The following EFCAB5 variants were observed in gnomAD, a reference collection of about 807,000 sequenced individuals.
EFCAB5 encodes the protein EF-hand calcium binding domain 5.
A neutral mutation model predicts 167.9 loss-of-function variants in EFCAB5; 131 were observed. The ratio of observed to expected loss-of-function variants is 0.78; its 90% confidence interval spans 0.68 to 0.90. The LOEUF is 0.90. Ranked by LOEUF, EFCAB5 falls within the 40% of genes least tolerant of loss-of-function variation. The probability of loss-of-function intolerance (pLI) is 0.00; values close to 1 mark genes in which losing one functional copy is unlikely to be tolerated. For missense variants in EFCAB5, 1,663 were observed against 1,745.2 expected (o/e 0.95, Z 0.84); for synonymous variants, 574 against 602.8 (o/e 0.95, Z 0.70).
chr17:30,074,046 A>G (rs2070813969), intron 14 of EFCAB5: 1 of 158,504 alleles, frequency 6.3e-6, no homozygotes, highest in African/African-American at 2.4e-5. Flanking sequence ...AAATGAAATT[A>G]TACAGTATGC....
intron 7 of EFCAB5, among the ~76,000 whole-genome samples, chr17:30,029,561 CTT>C (rs35394158): frequency 1.4e-5 from 2 of 140,704 alleles, no homozygotes; most frequent in African/African-American, 2.6e-5. Context: ...TAGCACTAAT[CTT>C]TTTTTTTTTT....
At chr17:29,996,044 C>T (rs2068536042) in intron 5 of EFCAB5, among the ~76,000 whole-genome samples, 1 of 152,112 alleles carries the variant, frequency 6.6e-6, no homozygotes, top group Non-Finnish European at 1.5e-5. Flanking sequence ...CTTGTTCAGA[C>T]ATAACAAGTT....
intron 5 of EFCAB5, 30 bp downstream of exon 5, chr17:29,993,351 T>C (rs1450629618): frequency 1.3e-6 from 2 of 1,595,056 alleles, no homozygotes; most frequent in Non-Finnish European, 8.6e-7. Context: ...ATGTGAAAGG[T>C]AGGTGGGGTA....
In EFCAB5 at chr17:29,971,073, C is replaced by CAA. The variant is rs57637961; in HGVS notation, c.767+1718_767+1719dup. Among the ~76,000 whole-genome samples, 1,152 of 139,484 alleles carry CAA rather than the reference C, an allele frequency of 8.3e-3. 16 individuals are homozygous for CAA. Among genetic ancestry groups the CAA allele is most frequent in the African/African-American group, 0.024 (907 of 37,368 alleles). The allele number at this position is 139,484 out of a possible 152,430, so 91.5% of individuals were successfully genotyped here. On this transcript the variant is annotated intron_variant, in intron 4 of 22. Transcript: ENST00000394835. ...TGGGCAACAGAGTGAGACCCCATCT[C>CAA]AAAAAAAAAAAAAGATTTTAATGTA... is the stretch of plus-strand genomic sequence containing the variant.
At chr17:30,073,026 G>T (rs1310689333) in intron 14 of EFCAB5, 2 of 561,242 alleles carry the variant, frequency 3.6e-6, no homozygotes, top group Non-Finnish European at 6.4e-6. Context: ...CTGCACTCTG[G>T]CTCCTGTGTC....
At chr17:29,940,080 C>CT (rs35491131), upstream of EFCAB5, among the ~76,000 whole-genome samples, 819 of 143,936 alleles carry the variant, frequency 5.7e-3, 6 homozygotes, top group East Asian at 0.012. Context: ...ACTGGGAACT[C>CT]TTTTTTTTTT....
At position 29,941,731 on chromosome 17, in the gene EFCAB5, T is replaced by G. The variant is rs2067300182; in HGVS notation, c.-66T>G. ...TGATGTTTATTAATATTTTCTTTCTTTTTGTTATTAATACTGGTCTAGTAA... is the reference window on the plus strand; with the variant it reads ...TGATGTTTATTAATATTTTCTTTCTGTTTGTTATTAATACTGGTCTAGTAA... On this transcript the variant is annotated 5_prime_UTR_variant, in exon 1 of 23. Transcript: ENST00000394835. The G allele has an allele frequency of 7.8e-6, 11 of 1,404,046 alleles. No homozygotes were observed. Among genetic ancestry groups the G allele is most frequent in the South Asian group, 1.3e-5 (1 of 76,706 alleles). 87.0% of individuals were successfully genotyped at this position (1,404,046 alleles called of 1,614,324 possible).
At chr17:29,958,392 ATTC>A (rs1216050446) in intron 3 of EFCAB5, among the ~76,000 whole-genome samples, 4 of 152,042 alleles carry the variant, frequency 2.6e-5, no homozygotes, top group Admixed American at 2.0e-4. Context: ...AAGCTCACTA[ATTC>A]TTCTGCTTGA....
intron 8 of EFCAB5, among the ~76,000 whole-genome samples, chr17:30,047,066 C>T (rs564872269): frequency 4.9e-4 from 74 of 152,292 alleles, no homozygotes; most frequent in African/African-American, 1.5e-3. Flanking sequence ...ATCAGTATTG[C>T]TATACTTTGC....
At position 30,080,809 on chromosome 17, in the gene EFCAB5, G is replaced by A; in HGVS notation, c.3254G>A (p.Gly1085Glu). Residue 1085 changes from glycine to glutamate, a missense_variant, in exon 17 of 23, where the codon GGG becomes GAG. Physicochemically the swap from Gly to Glu is moderately conservative, Grantham distance 98. Coordinates refer to ENST00000394835, the MANE Select transcript of EFCAB5 (RefSeq NM_198529.4). ...PIHVPQVQYH[G>E]NIFFWNQSRN... ...CATGTTCCCCAAGTTCAGTACCATG[G>A]GAACATCTTCTTCTGGAACCAGTCC... 6.2e-7 allele frequency: 1 copy of A among 1,613,058 alleles called. No homozygotes were observed. The highest frequency in any genetic ancestry group is 8.5e-7 in the Non-Finnish European group (1 of 1,179,558).
intron 7 of EFCAB5, among the ~76,000 whole-genome samples, chr17:30,025,363 T>A (rs2069289703): frequency 6.6e-6 from 1 of 152,124 alleles, no homozygotes; most frequent in Admixed American, 6.6e-5. Context: ...GCAAAGGGTA[T>A]GAACAGACAC....
intron 4 of EFCAB5, among the ~76,000 whole-genome samples, chr17:29,974,156 TAAA>T (rs556600386): frequency 1.7e-5 from 2 of 118,652 alleles, no homozygotes; most frequent in Admixed American, 8.7e-5. Context: ...AAACTCTATC[TAAA>T]AAAAAAAAAA....
chr17:29,984,661 T>C (rs1164813691), intron 4 of EFCAB5, among the ~76,000 whole-genome samples: 1 of 152,104 alleles, frequency 6.6e-6, no homozygotes. Flanking sequence ...GAGGTTGCAG[T>C]GAGCCAAGAT....
intron 7 of EFCAB5, among the ~76,000 whole-genome samples, chr17:30,025,424 A>G (rs531791605): frequency 6.6e-6 from 1 of 151,136 alleles, no homozygotes; most frequent in Non-Finnish European, 1.5e-5. Flanking sequence ...AAAAATGCTC[A>G]TCATCACTGG....
intron 1 of EFCAB5, chr17:29,930,279 G>T: frequency 2.0e-6 from 1 of 489,984 alleles, no homozygotes; most frequent in East Asian, 3.6e-5. Context: ...CTCTCCCCTC[G>T]GCGCGCGCCG....
intron 7 of EFCAB5, among the ~76,000 whole-genome samples, chr17:30,020,490 G>A (rs1308859640): frequency 1.3e-5 from 2 of 150,884 alleles, no homozygotes; most frequent in East Asian, 1.9e-4. Context: ...TCAGCCTCCC[G>A]AGTAGCTGGG....
chr17:30,045,866 AAAAT>A (rs758430390), intron 8 of EFCAB5, among the ~76,000 whole-genome samples: 5 of 151,578 alleles, frequency 3.3e-5, no homozygotes, highest in Non-Finnish European at 7.4e-5. Context: ...AATAAAATTA[AAAAT>A]AAATAAATAA....
At chr17:29,990,065 C>T (rs1025236341) in intron 4 of EFCAB5, among the ~76,000 whole-genome samples, 1 of 152,104 alleles carries the variant, frequency 6.6e-6, no homozygotes, top group Non-Finnish European at 1.5e-5. Context: ...TCTCTCCCCC[C>T]ACAATTTATA....
intron 15 of EFCAB5, among the ~76,000 whole-genome samples, 172 bp downstream of exon 15, chr17:30,078,676 A>G (rs2070920403): frequency 6.6e-6 from 1 of 152,202 alleles, no homozygotes. Flanking sequence ...GAGAGATACA[A>G]CTGGAGTGAC....
Sources: allele counts gnomAD v4.1 joint callset (sites outside exome capture counted in the v4.1 genomes callset), GRCh38; gene constraint gnomAD v4.1.1; transcripts MANE v1.5; gene names NCBI Gene and HGNC (gene_info 2026-07-23, HGNC 2026-07-21).